The following EIF4G3 variants were observed in gnomAD, a reference collection of about 807,000 sequenced individuals.
The protein encoded by EIF4G3 is eIF-4-gamma 3.
In EIF4G3, 34 loss-of-function variants were observed where a neutral mutation model predicts 186.4. The observed-to-expected ratio is 0.18, with a 90% CI of 0.14 to 0.24. The LOEUF is 0.24. EIF4G3 is among the 10% of genes least tolerant of loss of function. The pLI is 1.00. For missense variants in EIF4G3, 1,536 were observed against 1,948.5 expected (o/e 0.79, Z 3.99); for synonymous variants, 673 against 679.5 (o/e 0.99, Z 0.15).
chr1:20,866,041 T>G (rs2077489232), intron 20 of EIF4G3, among the ~76,000 whole-genome samples: 1 of 152,216 alleles, frequency 6.6e-6, no homozygotes, highest in Non-Finnish European at 1.5e-5. Context: ...AATTTACAGA[T>G]GACATCCCTC....
intron 30 of EIF4G3, among the ~76,000 whole-genome samples, chr1:20,840,587 G>A (rs901648254): frequency 6.6e-6 from 1 of 152,066 alleles, no homozygotes; most frequent in Non-Finnish European, 1.5e-5. Flanking sequence ...GAGGCTAAGG[G>A]GTCTCTGTTA....
intron 19 of EIF4G3, among the ~76,000 whole-genome samples, chr1:20,882,043 G>A (rs745565876): frequency 1.4e-4 from 22 of 151,890 alleles, no homozygotes; most frequent in Admixed American, 8.5e-4. Context: ...AGCACCTGTA[G>A]TCCTAGCTAC....
chr1:20,828,784 A>G (rs970236511), intron 31 of EIF4G3, among the ~76,000 whole-genome samples: 3 of 152,206 alleles, frequency 2.0e-5, no homozygotes, highest in African/African-American at 7.2e-5. Flanking sequence ...GGGGTAATGC[A>G]GTCTGACAAG....
rs10916865 is a variant in EIF4G3, at chr1:20,810,117, C to A, written c.4744+621G>T. On this transcript the variant is annotated intron_variant, in intron 36 of 36. Coordinates refer to ENST00000602326, the MANE Select transcript of EIF4G3 (RefSeq NM_001391906.1). This position sits in a 1 kb window ranked among gnomAD's most constrained non-coding sequence, Gnocchi z 4.1. ...TTCTGAGTAGCTGTAGCTGGGACTA[C>A]AGGCACATGCCACCACACCTAGCCA... 6.6e-6 allele frequency among the ~76,000 whole-genome samples: 1 copy of A among 151,548 alleles called. No homozygotes were observed. Among genetic ancestry groups the A allele is most frequent in the Non-Finnish European group, 1.5e-5 (1 of 67,906 alleles).
chr1:20,922,365 C>T (rs997582085), intron 14 of EIF4G3, among the ~76,000 whole-genome samples: 2 of 152,140 alleles, frequency 1.3e-5, no homozygotes, highest in Non-Finnish European at 1.5e-5. Flanking sequence ...AGTACAGTGG[C>T]GTGATCTCCG....
At chr1:20,954,549 A>G (rs2154563860) in intron 12 of EIF4G3, among the ~76,000 whole-genome samples, 1 of 150,844 alleles carries the variant, frequency 6.6e-6, no homozygotes, top group South Asian at 2.1e-4. Flanking sequence ...AAAAAAAAAA[A>G]AAAAAAAAAA....
intron 35 of EIF4G3, among the ~76,000 whole-genome samples, chr1:20,812,152 G>A (rs190279363): frequency 1.6e-4 from 24 of 152,172 alleles, no homozygotes; most frequent in Admixed American, 1.0e-3. Context: ...TCTGGCCATC[G>A]TGGCTCATGC....
At chr1:21,053,606 CCCCGCCCGGCCA>C (rs1371408990) in intron 3 of EIF4G3, among the ~76,000 whole-genome samples, 1 of 141,620 alleles carries the variant, frequency 7.1e-6, no homozygotes, top group Non-Finnish European at 1.6e-5. Flanking sequence ...GGGGTCAGCC[CCCCGCCCGGCCA>C]CCCGCCCCGT....
At position 20,969,417 on chromosome 1, in the gene EIF4G3, G is replaced by A. The variant is rs1198326965; in HGVS notation, c.714+57C>T. The A allele has an allele frequency of 2.5e-6, 4 of 1,602,012 alleles. No homozygotes were observed. In the African/African-American group the frequency reaches 4.0e-5, roughly 16 times the overall value. ...GAAAGTGGCTATAGAAGAAAGAAGA[G>A]TTCAGTAGAGGTTAGTGAACAAATA... On this transcript the variant is annotated intron_variant, in intron 12 of 36. Transcript: ENST00000602326.
chr1:21,109,545 A>G (rs1331300040), intron 2 of EIF4G3, among the ~76,000 whole-genome samples: 1 of 152,226 alleles, frequency 6.6e-6, no homozygotes, highest in African/African-American at 2.4e-5. Context: ...ATGAAAGTAA[A>G]TAAGTAAATA....
chr1:20,873,705 T>G (rs2079889080), intron 20 of EIF4G3, among the ~76,000 whole-genome samples: 1 of 142,022 alleles, frequency 7.0e-6, no homozygotes. Context: ...TAACATTGAA[T>G]GTCTTTTTTT....
intron 18 of EIF4G3, among the ~76,000 whole-genome samples, 163 bp from the exon 19 acceptor site, chr1:20,886,534 C>T (rs1411611099): frequency 6.6e-6 from 1 of 152,146 alleles, no homozygotes; most frequent in Admixed American, 6.6e-5. Flanking sequence ...AAAAAAATAA[C>T]TTCAGAATAC....
chr1:20,942,215 T>A lies in EIF4G3; in HGVS notation c.939A>T (p.Val313=). The change falls in exon 14 of 37, where the codon GTA becomes GTT. Residue 313 remains valine (V), a synonymous_variant. Coordinates refer to ENST00000602326, the MANE Select transcript of EIF4G3 (RefSeq NM_001391906.1). ...EGQTSETTAI[V]SIAELPLPPS... ...GAGGCAGAGGAAGCTCTGCTATGGA[T>A]ACTATTGCAGTAGTTTCAGATGTCT... 6.2e-7 allele frequency: 1 copy of A among 1,614,196 alleles called. No individual in the cohort carries two copies. The highest frequency in any genetic ancestry group is 8.5e-7 in the Non-Finnish European group (1 of 1,180,010).
intron 4 of EIF4G3, among the ~76,000 whole-genome samples, chr1:21,029,423 T>C (rs1189797243): frequency 6.6e-6 from 1 of 151,790 alleles, no homozygotes; most frequent in East Asian, 1.9e-4. Context: ...ACCTGCTGAG[T>C]TAGATTCAGG....
At chr1:20,819,934 C>T (rs2061903393) in intron 33 of EIF4G3, among the ~76,000 whole-genome samples, 1 of 151,876 alleles carries the variant, frequency 6.6e-6, no homozygotes, top group Non-Finnish European at 1.5e-5. Flanking sequence ...AGACTGGAGA[C>T]AGAAAGAAAG....
At chr1:20,997,716 A>T in intron 6 of EIF4G3, 83 bp from the exon 7 acceptor site, 1 of 1,125,566 alleles carries the variant, frequency 8.9e-7, no homozygotes, top group Non-Finnish European at 1.2e-6. Context: ...ATTTCACACA[A>T]TATGCCAAAA....
At chr1:20,908,064 T>C (rs1445987217) in intron 14 of EIF4G3, among the ~76,000 whole-genome samples, 1 of 152,212 alleles carries the variant, frequency 6.6e-6, no homozygotes, top group African/African-American at 2.4e-5. Flanking sequence ...TGTTGTTTCC[T>C]GACTTTTTAA....
At chr1:20,949,901 ATAATCCT>A in intron 13 of EIF4G3, 95 bp downstream of exon 13, 4 of 1,012,194 alleles carry the variant, frequency 4.0e-6, no homozygotes, top group Non-Finnish European at 4.5e-6. Flanking sequence ...GGGTGTCTAA[ATAATCCT>A]TGGATGCTGT....
chr1:21,161,227 G>A (rs2097761810), intron 2 of EIF4G3, among the ~76,000 whole-genome samples: 1 of 151,692 alleles, frequency 6.6e-6, no homozygotes. Context: ...GTGCCAGCCT[G>A]GCACAATGGC....
Sources: gnomAD v4.1 joint callset for allele counts (sites outside exome capture counted in the v4.1 genomes callset) on GRCh38, gnomAD v4.1.1 for gene constraint, Gnocchi (gnomAD v3.1) non-coding constraint, MANE v1.5 for transcripts, NCBI Gene and HGNC (gene_info 2026-07-23, HGNC 2026-07-21) for gene names.